PDE6A: variants seen among roughly 807,000 people sequenced by gnomAD.
The protein encoded by PDE6A is phosphodiesterase 6A, also known as rod cGMP-specific 3',5'-cyclic phosphodiesterase subunit alpha.
PDE6A carries 84 observed loss-of-function variants against 106.3 expected under a neutral mutation model. That is an observed-to-expected ratio of 0.79 (90% CI 0.66 to 0.95). PDE6A has a LOEUF of 0.95. Ranked by LOEUF, PDE6A falls within the 40% of genes least tolerant of loss-of-function variation. The pLI is 0.00. For synonymous variants in PDE6A, 394 were observed against 386.6 expected (o/e 1.02, Z -0.23); for missense variants, 1,052 against 1,084.9 (o/e 0.97, Z 0.43).
chr5:149,932,002 G>A, intron 3 of PDE6A: 1 of 1,484,184 alleles, frequency 6.7e-7, no homozygotes, highest in Non-Finnish European at 9.4e-7. Context: ...GAGAGCTGAT[G>A]TTACCTCTAG....
chr5:149,916,468 T>G (rs537240200), intron 5 of PDE6A, among the ~76,000 whole-genome samples: 1 of 152,320 alleles, frequency 6.6e-6, no homozygotes, highest in South Asian at 2.1e-4. Flanking sequence ...CTGTTCTCTT[T>G]GCTGTGTCGT....
At chr5:149,878,100 T>G (rs1456816878) in intron 17 of PDE6A, among the ~76,000 whole-genome samples, 1 of 152,196 alleles carries the variant, frequency 6.6e-6, no homozygotes. Flanking sequence ...TGGGGAAGAA[T>G]GAGAGAATGC....
At chr5:149,939,828 C>T (rs772292672) in intron 1 of PDE6A, among the ~76,000 whole-genome samples, 6 of 152,032 alleles carry the variant, frequency 3.9e-5, no homozygotes, top group Admixed American at 1.3e-4. Context: ...TGCTCAAATA[C>T]CCAGTGCGAT....
intron 6 of PDE6A, among the ~76,000 whole-genome samples, chr5:149,910,874 C>CTTTT (rs386405293): frequency 0.13 from 11,068 of 87,058 alleles, 1,203 homozygotes; most frequent in South Asian, 0.16. Context: ...TTTCTTTTTC[C>CTTTT]TTTTTTTTTT....
chr5:149,922,859 A>G (rs1048635384), intron 4 of PDE6A, among the ~76,000 whole-genome samples: 1 of 152,228 alleles, frequency 6.6e-6, no homozygotes, highest in Admixed American at 6.5e-5. Flanking sequence ...GCCTGAGGCT[A>G]TCTCTGTTCT....
intron 6 of PDE6A, among the ~76,000 whole-genome samples, chr5:149,914,499 G>A (rs1011113377): frequency 3.3e-5 from 5 of 152,174 alleles, no homozygotes; most frequent in Non-Finnish European, 5.9e-5. Context: ...TCAGTGTGGA[G>A]TCACCGTGAT....
intron 13 of PDE6A, among the ~76,000 whole-genome samples, chr5:149,892,990 GGTGT>G (rs1275638668): frequency 6.6e-6 from 1 of 152,198 alleles, no homozygotes; most frequent in African/African-American, 2.4e-5. Flanking sequence ...GTTACAGGAA[GGTGT>G]ATGCCCCTGG....
chr5:149,890,034 C>A (rs189034711), intron 13 of PDE6A, among the ~76,000 whole-genome samples: 34 of 150,224 alleles, frequency 2.3e-4, no homozygotes, highest in Admixed American at 5.3e-4. Context: ...CAACTCACTG[C>A]AACCTCTGCC....
At chr5:149,918,833 G>T (rs1753627345) in intron 5 of PDE6A, among the ~76,000 whole-genome samples, 2 of 151,708 alleles carry the variant, frequency 1.3e-5, no homozygotes, top group Non-Finnish European at 2.9e-5. Context: ...TTGTTGCTTA[G>T]GCAGGTCTTG....
At chr5:149,904,439 C>T (rs1294177179) in intron 7 of PDE6A, among the ~76,000 whole-genome samples, 1 of 152,164 alleles carries the variant, frequency 6.6e-6, no homozygotes, top group Non-Finnish European at 1.5e-5. Flanking sequence ...CTTATCTGAT[C>T]TCCCCAGAGC....
At chr5:149,886,487 C>G (rs767741999) in intron 13 of PDE6A, 113 bp from the exon 14 acceptor site, 24 of 776,012 alleles carry the variant, frequency 3.1e-5, no homozygotes, top group Non-Finnish European at 4.9e-5. Flanking sequence ...TGGGTCTGAT[C>G]TTGGCTGTAT....
intron 5 of PDE6A, among the ~76,000 whole-genome samples, chr5:149,915,913 T>G (rs947852950): frequency 1.3e-5 from 2 of 152,152 alleles, no homozygotes; most frequent in African/African-American, 4.8e-5. Context: ...AGTCAAAACT[T>G]GCCAGCTCCC....
chr5:149,883,522 A>G lies in PDE6A; in HGVS notation c.2042T>C (p.Phe681Ser). Residue 681 changes from phenylalanine to serine, a missense_variant, in exon 17 of 22, where the codon TTC (phenylalanine) becomes TCC (serine). Around this residue, in one of 3 missense-constraint regions of PDE6A, gnomAD observed 913 missense variants for 915.2 expected, o/e 1.00. Coordinates refer to ENST00000255266, the MANE Select transcript of PDE6A (RefSeq NM_000440.3). Reference protein sequence around the residue: ...LALYFKKRTMFQKIVDQSKTY... With the variant: ...LALYFKKRTMSQKIVDQSKTY... ...CTTAGACTGATCCACGATCTTTTGGAACATCGTCCTCTTCCTACAAAACAT... is the reference window on the plus strand; with the variant it reads ...CTTAGACTGATCCACGATCTTTTGGGACATCGTCCTCTTCCTACAAAACAT... 1 of 1,611,718 alleles carries G rather than the reference A, an allele frequency of 6.2e-7. No homozygotes were observed. Among genetic ancestry groups the G allele is most frequent in the Non-Finnish European group, 8.5e-7 (1 of 1,177,924 alleles).
At chr5:149,877,117 A>T (rs1189741358) in intron 17 of PDE6A, among the ~76,000 whole-genome samples, 1 of 152,220 alleles carries the variant, frequency 6.6e-6, no homozygotes, top group African/African-American at 2.4e-5. Context: ...CCCTAGTGTC[A>T]TGGTCCCTGG....
Position 149,934,658 on chromosome 5 carries a change from C to A in PDE6A, c.535G>T (p.Ala179Ser), listed in dbSNP as rs763169237. ...TCCTTCCCATTCATTATGGGGGAAG[C>A]CAAGATGTTCTTGGTCTTGTACTCT... ...LTEYKTKNIL[A>S]SPIMNGKDVV... The change falls in exon 2 of 22, where the codon GCT (alanine) becomes TCT (serine). Residue 179 changes from alanine (A) to serine (S), a missense_variant. Ala to Ser is a moderately conservative substitution (Grantham distance 99). This residue lies in a region of PDE6A where 913 missense variants were observed against 915.2 expected (regional missense o/e 1.00). Transcript: ENST00000255266. 6.2e-7 allele frequency: 1 copy of A among 1,614,078 alleles called. No homozygotes were observed. Among genetic ancestry groups the A allele is most frequent in the East Asian group, 2.2e-5 (1 of 44,880 alleles).
intron 13 of PDE6A, 46 bp downstream of exon 13, chr5:149,895,137 A>G (rs941994157): frequency 2.9e-6 from 3 of 1,047,530 alleles, no homozygotes; most frequent in Non-Finnish European, 3.0e-6. Flanking sequence ...GAGATTGTCT[A>G]GTGTGATGCA....
chr5:149,915,032 C>CTTTT (rs60750624), intron 5 of PDE6A, 25 bp from the exon 6 acceptor site: 277 of 796,948 alleles, frequency 3.5e-4, no homozygotes, highest in East Asian at 1.4e-3. Flanking sequence ...AAAAATTATA[C>CTTTT]TTTTTTTTTT....
intron 17 of PDE6A, among the ~76,000 whole-genome samples, chr5:149,879,121 G>C (rs1760839902): frequency 6.6e-6 from 1 of 151,944 alleles, no homozygotes; most frequent in South Asian, 2.1e-4. Flanking sequence ...ACCCAGGCTG[G>C]AGTGCAGTGG....
At chr5:149,903,188 C>T (rs190350498) in intron 8 of PDE6A, among the ~76,000 whole-genome samples, 398 of 138,244 alleles carry the variant, frequency 2.9e-3, no homozygotes, top group South Asian at 7.0e-3. Flanking sequence ...ACAACAACAA[C>T]GACAAAACAC....
Sources: gnomAD v4.1 joint callset for allele counts (sites outside exome capture counted in the v4.1 genomes callset) on GRCh38, gnomAD v4.1.1 for gene constraint, gnomAD v4.1.1 regional missense constraint, MANE v1.5 for transcripts, NCBI Gene and HGNC (gene_info 2026-07-23, HGNC 2026-07-21) for gene names.